Variants in TCERG1L observed in about 807,000 individuals in gnomAD.
TCERG1L encodes the protein transcription elongation regulator 1-like protein.
A neutral mutation model predicts 56.3 loss-of-function variants in TCERG1L; 37 were observed. The ratio of observed to expected loss-of-function variants is 0.66; its 90% confidence interval spans 0.51 to 0.87. TCERG1L has a LOEUF of 0.87. Among genes scored for constraint, TCERG1L ranks in the 40% least tolerant of loss-of-function variants. The pLI is 0.00. For missense variants in TCERG1L, 799 were observed against 774.2 expected, an observed-to-expected ratio of 1.03 and a Z score of -0.38; for synonymous variants, 324 against 326.3, an observed-to-expected ratio of 0.99 and a Z score of 0.08.
intron 3 of TCERG1L, among the ~76,000 whole-genome samples, chr10:131,282,914 T>C (rs543150839): frequency 6.6e-6 from 1 of 152,370 alleles, no homozygotes; most frequent in South Asian, 2.1e-4. Context: ...CATAAGTTCA[T>C]TTCTTATGGG....
intron 9 of TCERG1L, among the ~76,000 whole-genome samples, 153 bp from the exon 10 acceptor site, chr10:131,104,507 A>G (rs1354842130): frequency 1.3e-5 from 2 of 152,250 alleles, no homozygotes; most frequent in Non-Finnish European, 2.9e-5. Context: ...AGTGTTAGAC[A>G]TGTCAGATGC....
At position 131,267,751 on chromosome 10, in the gene TCERG1L, G is replaced by C. The variant is rs1846301157; in HGVS notation, c.671-7307C>G. On this transcript the variant is annotated intron_variant, in intron 3 of 11. Transcript: ENST00000368642. The surrounding 1 kb of genome is among the most constrained non-coding windows in gnomAD (Gnocchi z 4.9). Reference sequence around the variant, plus strand: ...GGAGGTGGCACAGTTGGCTGCCTTGGGGACATGGGGCACAGGGAACCCCAC... The same window carrying C: ...GGAGGTGGCACAGTTGGCTGCCTTGCGGACATGGGGCACAGGGAACCCCAC... Among the ~76,000 whole-genome samples, 1 of 152,206 alleles carries C rather than the reference G, an allele frequency of 6.6e-6. No homozygotes were observed. The highest frequency in any genetic ancestry group is 1.5e-5 in the Non-Finnish European group (1 of 68,038).
At chr10:131,204,878 A>G (rs1845499589) in intron 4 of TCERG1L, among the ~76,000 whole-genome samples, 1 of 152,128 alleles carries the variant, frequency 6.6e-6, no homozygotes, top group African/African-American at 2.4e-5. Flanking sequence ...GGAGGTTCAC[A>G]CCATCTCTGA....
Position 131,092,989 on chromosome 10 carries a change from G to T in TCERG1L, c.*173C>A, listed in dbSNP as rs1845195636. The T allele has an allele frequency of 3.4e-6, 2 of 590,338 alleles. No individual in the cohort carries two copies. The highest frequency in any genetic ancestry group is 1.9e-5 in the African/African-American group (1 of 53,500). The allele number at this position is 590,338 out of a possible 1,614,324, so 36.6% of individuals were successfully genotyped here. A position where few individuals can be genotyped will look rare whatever the true frequency, so the allele number is the denominator to read the frequency against. On this transcript the variant is annotated 3_prime_UTR_variant, in exon 12 of 12. Transcript: ENST00000368642. ...CATCAAACTCTGAATGTACAAAAGA[G>T]AGAGCTTCAATATGAAACAGTAATC...
At chr10:131,130,721 C>T (rs1456082299) in intron 8 of TCERG1L, among the ~76,000 whole-genome samples, 1 of 152,128 alleles carries the variant, frequency 6.6e-6, no homozygotes, top group East Asian at 1.9e-4. Context: ...AGTAGTGATA[C>T]AGTGAGCCAA....
At chr10:131,190,156 G>A (rs538811265) in intron 4 of TCERG1L, among the ~76,000 whole-genome samples, 269 of 152,136 alleles carry the variant, frequency 1.8e-3, no homozygotes, top group African/African-American at 6.2e-3. Flanking sequence ...CTCTATATGC[G>A]CCAACTAGAA....
rs758297120 is a variant in TCERG1L, at chr10:131,309,274, G to C, written c.368C>G (p.Ser123Cys). Residue 123 changes from serine (S) to cysteine (C), a missense_variant, in exon 2 of 12, where the codon TCC becomes TGC. Physicochemically the swap from Ser to Cys is moderately radical, Grantham distance 112. Coordinates refer to ENST00000368642, the MANE Select transcript of TCERG1L (RefSeq NM_174937.4). ...TGTGGAAGAGGGGGGCAGTCCTAGG[G>C]ACGGAGAATGGCCACCAAACAGCCA... ...GQWLFGGHSPSLGLPPSSTVE... is the reference protein window; with the variant it reads ...GQWLFGGHSPCLGLPPSSTVE... The C allele has an allele frequency of 6.3e-7, 1 of 1,598,158 alleles. No individual in the cohort carries two copies. The highest frequency in any genetic ancestry group is 8.5e-7 in the Non-Finnish European group (1 of 1,174,226).
At chr10:131,173,462 G>T (rs1481208433) in intron 4 of TCERG1L, among the ~76,000 whole-genome samples, 2 of 152,172 alleles carry the variant, frequency 1.3e-5, no homozygotes, top group Non-Finnish European at 2.9e-5. Context: ...CACAGTCAGG[G>T]CCCGTTGTAT....
intron 4 of TCERG1L, among the ~76,000 whole-genome samples, chr10:131,223,686 A>G (rs1359158906): frequency 1.5e-5 from 2 of 134,068 alleles, no homozygotes; most frequent in African/African-American, 5.5e-5. Context: ...GCTCACCCTC[A>G]CGCATACAGA....
intron 3 of TCERG1L, among the ~76,000 whole-genome samples, chr10:131,264,285 A>G (rs1846263703): frequency 6.6e-6 from 1 of 152,340 alleles, no homozygotes; most frequent in East Asian, 1.9e-4. Context: ...CAGCCCTGCC[A>G]GAGCACAGGT....
At chr10:131,174,484 CT>C in intron 4 of TCERG1L, among the ~76,000 whole-genome samples, 2 of 152,232 alleles carry the variant, frequency 1.3e-5, no homozygotes, top group South Asian at 4.2e-4. Context: ...CTGGTCGGGG[CT>C]GGGCTGCAGG....
At chr10:131,162,576 A>C (rs1845989823) in intron 6 of TCERG1L, 1 of 152,278 alleles carries the variant, frequency 6.6e-6, no homozygotes, top group Non-Finnish European at 1.5e-5. Context: ...CTGCACTCTC[A>C]TCTTCAGGCT....
At chr10:131,172,392 G>A (rs1589736087) in intron 4 of TCERG1L, among the ~76,000 whole-genome samples, 1 of 152,218 alleles carries the variant, frequency 6.6e-6, no homozygotes, top group African/African-American at 2.4e-5. Flanking sequence ...GAGAGCAACC[G>A]CTCATGCATT....
At chr10:131,241,280 A>C (rs1845968204) in intron 4 of TCERG1L, among the ~76,000 whole-genome samples, 1 of 152,202 alleles carries the variant, frequency 6.6e-6, no homozygotes, top group African/African-American at 2.4e-5. Flanking sequence ...TTAGAAAACA[A>C]AGTTAAGGAA....
At chr10:131,117,214 G>A (rs955365762) in intron 8 of TCERG1L, among the ~76,000 whole-genome samples, 38 of 152,182 alleles carry the variant, frequency 2.5e-4, no homozygotes, top group African/African-American at 9.2e-4. Context: ...AACATACACT[G>A]GCTGCCAACC....
At chr10:131,200,932 G>A (rs925043591) in intron 4 of TCERG1L, among the ~76,000 whole-genome samples, 6 of 152,230 alleles carry the variant, frequency 3.9e-5, no homozygotes, top group African/African-American at 7.2e-5. Context: ...CTTCTCGCAC[G>A]GTTATCTCCC....
rs921664525 is a variant in TCERG1L at position 131,168,348 on chromosome 10, T to C, written c.857-1463A>G. ...CCCTCTGCAGCTCCGGGAAGGAGAT[T>C]TGCATAGCTCTGCATGGGGCCAGCT... On this transcript the variant is annotated intron_variant, in intron 4 of 11. Transcript: ENST00000368642. Among the ~76,000 whole-genome samples, 8 of 152,216 alleles carry C rather than the reference T, an allele frequency of 5.3e-5. No homozygotes were observed. The South Asian group carries it at 8.3e-4, about 16-fold the overall frequency.
intron 4 of TCERG1L, among the ~76,000 whole-genome samples, chr10:131,246,583 A>T (rs954208574): frequency 1.3e-5 from 2 of 150,746 alleles, no homozygotes; most frequent in African/African-American, 4.9e-5. Flanking sequence ...GGGCTTGTGA[A>T]TCTCCTCCTC....
intron 9 of TCERG1L, among the ~76,000 whole-genome samples, chr10:131,115,494 G>A (rs1334497589): frequency 1.3e-5 from 2 of 152,206 alleles, no homozygotes; most frequent in South Asian, 2.1e-4. Context: ...CGTCCACATC[G>A]CGCCAGGGCC....
Sources: allele counts gnomAD v4.1 joint callset (sites outside exome capture counted in the v4.1 genomes callset), GRCh38; gene constraint gnomAD v4.1.1; non-coding constraint Gnocchi (gnomAD v3.1); transcripts MANE v1.5; gene names NCBI Gene and HGNC (gene_info 2026-07-23, HGNC 2026-07-21).